MLLT3: variants seen among roughly 807,000 people sequenced by gnomAD.
MLLT3 encodes MLLT3 super elongation complex subunit, also known as protein AF-9.
A neutral mutation model predicts 53.2 loss-of-function variants in MLLT3; 4 were observed. The ratio of observed to expected loss-of-function variants is 0.08; its 90% CI spans 0.04 to 0.17. MLLT3 has a LOEUF of 0.17. Ranked by LOEUF, MLLT3 falls within the 10% of genes least tolerant of loss-of-function variation. The pLI, the probability that MLLT3 is intolerant of heterozygous loss-of-function variation, is 1.00. For synonymous variants in MLLT3, 283 were observed against 230.6 expected, an observed-to-expected ratio of 1.23 and a Z score of -2.06; for missense variants, 569 against 684.0, an observed-to-expected ratio of 0.83 and a Z score of 1.87.
intron 2 of MLLT3, among the ~76,000 whole-genome samples, chr9:20,508,778 T>C (rs1410660725): frequency 1.3e-5 from 2 of 152,182 alleles, no homozygotes; most frequent in Non-Finnish European, 2.9e-5. Context: ...ATAAACCCCA[T>C]AGGTCCAGCA....
intron 4 of MLLT3, among the ~76,000 whole-genome samples, chr9:20,435,429 G>C (rs1823377525): frequency 6.6e-6 from 1 of 152,036 alleles, no homozygotes; most frequent in Non-Finnish European, 1.5e-5. Flanking sequence ...AGTTGACCAA[G>C]GGTTAAGGCT....
intron 2 of MLLT3, among the ~76,000 whole-genome samples, chr9:20,522,884 T>C (rs12005922): frequency 0.068 from 10,296 of 151,922 alleles, 915 homozygotes; most frequent in African/African-American, 0.2. Context: ...TCATCTGAGC[T>C]AAAGGAAGTC....
At chr9:20,571,200 G>T (rs1368064614) in intron 2 of MLLT3, among the ~76,000 whole-genome samples, 1 of 152,112 alleles carries the variant, frequency 6.6e-6, no homozygotes, top group Non-Finnish European at 1.5e-5. Context: ...TCCAACAAAA[G>T]CTTTTAACTT....
intron 2 of MLLT3, among the ~76,000 whole-genome samples, chr9:20,569,960 C>T (rs375651200): frequency 7.8e-4 from 118 of 152,242 alleles, no homozygotes; most frequent in African/African-American, 2.7e-3. Context: ...TCCTCATTTG[C>T]CCCCAGCTGG....
At chr9:20,577,902 ATAT>A (rs1819694147) in intron 2 of MLLT3, among the ~76,000 whole-genome samples, 1 of 152,130 alleles carries the variant, frequency 6.6e-6, no homozygotes, top group Non-Finnish European at 1.5e-5. Context: ...GGCCAGTTCT[ATAT>A]TATTTGGGAA....
In MLLT3 at chr9:20,621,044, C is replaced by A. The variant is rs957317618; in HGVS notation, c.13-210G>T. 8.1e-5 allele frequency: 56 copies of A among 693,134 alleles called. No homozygotes were observed. In the Admixed American group the frequency reaches 1.1e-3, roughly 14 times the overall value. 42.9% of individuals were successfully genotyped at this position (693,134 alleles called of 1,614,324 possible). A position where few individuals can be genotyped will look rare whatever the true frequency, so the allele number is the denominator to read the frequency against. On this transcript the variant is annotated intron_variant, in intron 1 of 10. Coordinates refer to ENST00000380338, the MANE Select transcript of MLLT3 (RefSeq NM_004529.4). This position sits in a 1 kb window ranked among gnomAD's most constrained non-coding sequence, Gnocchi z 7.0. Reference sequence around the variant, plus strand: ...GCCCGGCCCGGCTTGGCCCCAGGCGCCCCGGGCCCCGCATCTACATCGGAC... The same window carrying A: ...GCCCGGCCCGGCTTGGCCCCAGGCGACCCGGGCCCCGCATCTACATCGGAC...
chr9:20,516,473 T>C (rs1010522731), intron 2 of MLLT3, among the ~76,000 whole-genome samples: 4 of 152,252 alleles, frequency 2.6e-5, no homozygotes, highest in Non-Finnish European at 1.5e-5. Context: ...GTCCCCCTTG[T>C]TATTCCTCAT....
At chr9:20,367,330 C>A (rs909142943) in intron 5 of MLLT3, among the ~76,000 whole-genome samples, 2 of 152,186 alleles carry the variant, frequency 1.3e-5, no homozygotes, top group South Asian at 2.1e-4. Flanking sequence ...TGCACTGCCT[C>A]TGATGTGTCT....
intron 2 of MLLT3, among the ~76,000 whole-genome samples, chr9:20,578,612 T>C (rs968691552): frequency 1.3e-5 from 2 of 152,156 alleles, no homozygotes; most frequent in African/African-American, 4.8e-5. Context: ...CCACCAGGCA[T>C]ACGCAACTAC....
chr9:20,615,426 T>C (rs1820809025), intron 2 of MLLT3, among the ~76,000 whole-genome samples: 1 of 129,702 alleles, frequency 7.7e-6, no homozygotes, highest in African/African-American at 2.8e-5. Context: ...CTATAAAATA[T>C]GCCCAGAAAA....
At chr9:20,477,976 T>C (rs1321510186) in intron 2 of MLLT3, among the ~76,000 whole-genome samples, 2 of 152,254 alleles carry the variant, frequency 1.3e-5, no homozygotes, top group African/African-American at 4.8e-5. Context: ...CCTTTGCAAC[T>C]TCATCCTCTA....
intron 2 of MLLT3, among the ~76,000 whole-genome samples, chr9:20,524,685 T>A (rs999842866): frequency 1.3e-4 from 20 of 151,878 alleles, no homozygotes; most frequent in African/African-American, 3.9e-4. Context: ...CCACCAAAAG[T>A]TTTACCAAAT....
At chr9:20,415,926 A>G (rs1034303737) in intron 4 of MLLT3, among the ~76,000 whole-genome samples, 4 of 152,122 alleles carry the variant, frequency 2.6e-5, no homozygotes, top group Admixed American at 2.6e-4. Flanking sequence ...GACATATAAC[A>G]AAATTATTCC....
chr9:20,531,098 T>C (rs1352188166), intron 2 of MLLT3, among the ~76,000 whole-genome samples: 1 of 148,312 alleles, frequency 6.7e-6, no homozygotes, highest in Non-Finnish European at 1.5e-5. Flanking sequence ...TTTTTTTTGA[T>C]ACATTGCCCT....
At chr9:20,359,909 G>C (rs978755040) in intron 8 of MLLT3, among the ~76,000 whole-genome samples, 3 of 152,114 alleles carry the variant, frequency 2.0e-5, no homozygotes, top group African/African-American at 7.2e-5. Flanking sequence ...GCTCAATGAG[G>C]CTTTTACATT....
chr9:20,499,086 T>G (rs1035667380), intron 2 of MLLT3, among the ~76,000 whole-genome samples: 1 of 152,154 alleles, frequency 6.6e-6, no homozygotes, highest in African/African-American at 2.4e-5. Flanking sequence ...TGAAATGCAT[T>G]TCTTAGTTGT....
intron 2 of MLLT3, among the ~76,000 whole-genome samples, chr9:20,472,053 A>ATGTTTTAGTTTAATGCTCT (rs1824407426): frequency 6.6e-6 from 1 of 152,042 alleles, no homozygotes; most frequent in Admixed American, 6.6e-5. Flanking sequence ...CTTGAACTTC[A>ATGTTTTAGTTTAATGCTCT]TGTTTTAGTT....
intron 2 of MLLT3, among the ~76,000 whole-genome samples, chr9:20,596,615 CA>C (rs1165762240): frequency 6.6e-6 from 1 of 152,164 alleles, no homozygotes; most frequent in Admixed American, 6.6e-5. Context: ...CGCTTGAGCC[CA>C]GGAGCTGGAG....
At chr9:20,575,444 T>A (rs1027217638) in intron 2 of MLLT3, among the ~76,000 whole-genome samples, 50 of 152,316 alleles carry the variant, frequency 3.3e-4, no homozygotes, top group African/African-American at 1.1e-3. Context: ...TTAAATTTTT[T>A]AAGGTTTGTG....
Sources: allele counts gnomAD v4.1 joint callset (sites outside exome capture counted in the v4.1 genomes callset), GRCh38; gene constraint gnomAD v4.1.1; non-coding constraint Gnocchi (gnomAD v3.1); transcripts MANE v1.5; gene names NCBI Gene and HGNC (gene_info 2026-07-23, HGNC 2026-07-21).